LRP1B: variants seen among roughly 807,000 people sequenced by gnomAD.
LRP1B encodes LDL receptor related protein 1B.
LRP1B carries 217 observed loss-of-function variants against 556.6 expected under a neutral mutation model. That is an observed-to-expected ratio of 0.39 (90% CI 0.35 to 0.44). The LOEUF is 0.44. Among genes scored for constraint, LRP1B ranks in the 20% least tolerant of loss-of-function variants. The pLI, the probability that LRP1B is intolerant of heterozygous loss-of-function variation, is 1.00. For synonymous variants in LRP1B, 2,047 were observed against 1,865.8 expected (o/e 1.10, Z -2.50); for missense variants, 5,053 against 5,620.8 (o/e 0.90, Z 3.23).
intron 1 of LRP1B, among the ~76,000 whole-genome samples, chr2:141,969,035 G>A (rs930804713): frequency 6.6e-6 from 1 of 150,556 alleles, no homozygotes; most frequent in Non-Finnish European, 1.5e-5. Context: ...TCTAAAGTTT[G>A]CCTATATTAT....
chr2:142,038,901 A>T (rs1703973496), intron 1 of LRP1B, among the ~76,000 whole-genome samples: 1 of 151,620 alleles, frequency 6.6e-6, no homozygotes, highest in African/African-American at 2.4e-5. Context: ...TTGCTAAAAC[A>T]TTAAATGAAA....
At chr2:141,666,700 T>A (rs546223567) in intron 2 of LRP1B, among the ~76,000 whole-genome samples, 108 of 152,288 alleles carry the variant, frequency 7.1e-4, no homozygotes, top group Non-Finnish European at 1.0e-3. Flanking sequence ...CTGAAACCAG[T>A]GGAGAGAGCT....
At chr2:140,387,655 T>G (rs1683819958) in intron 66 of LRP1B, among the ~76,000 whole-genome samples, 1 of 152,066 alleles carries the variant, frequency 6.6e-6, no homozygotes, top group African/African-American at 2.4e-5. Context: ...GAATGTCAGG[T>G]GCAATGTTTT....
At chr2:140,445,383 G>A (rs555347121) in intron 63 of LRP1B, among the ~76,000 whole-genome samples, 1 of 152,126 alleles carries the variant, frequency 6.6e-6, no homozygotes, top group South Asian at 2.1e-4. Flanking sequence ...ACCAAGTTTT[G>A]GGATTACAGG....
intron 2 of LRP1B, among the ~76,000 whole-genome samples, chr2:141,677,042 C>T (rs945368129): frequency 2.0e-5 from 3 of 151,988 alleles, no homozygotes; most frequent in African/African-American, 7.3e-5. Context: ...ATTGTGATAA[C>T]TCTTATGAAG....
chr2:141,203,225 A>G (rs2105230864), intron 6 of LRP1B, among the ~76,000 whole-genome samples: 1 of 152,318 alleles, frequency 6.6e-6, no homozygotes, highest in African/African-American at 2.4e-5. Context: ...ATATGCCCCA[A>G]TTAAAAGACA....
chr2:140,300,257 A>G (rs1221280527), intron 83 of LRP1B, among the ~76,000 whole-genome samples: 5 of 152,136 alleles, frequency 3.3e-5, no homozygotes, highest in Non-Finnish European at 7.4e-5. Flanking sequence ...TCAGGGGAAT[A>G]TTACCTAACA....
chr2:140,911,138 T>C (rs778100021), intron 21 of LRP1B, among the ~76,000 whole-genome samples: 14 of 151,852 alleles, frequency 9.2e-5, no homozygotes, highest in Admixed American at 1.3e-4. Context: ...TTTTCAAGCT[T>C]AATTAATTTA....
chr2:140,510,811 G>C (rs1020597813), intron 51 of LRP1B, among the ~76,000 whole-genome samples: 1 of 151,984 alleles, frequency 6.6e-6, no homozygotes, highest in African/African-American at 2.4e-5. Flanking sequence ...TTGTTGACTT[G>C]GACTTTTAAG....
chr2:140,599,963 G>A (rs1682589640), intron 42 of LRP1B, among the ~76,000 whole-genome samples: 1 of 151,978 alleles, frequency 6.6e-6, no homozygotes, highest in African/African-American at 2.4e-5. Flanking sequence ...TGGTTTGAAG[G>A]TGTCATTTAC....
At chr2:140,556,456 CCAT>C (rs1485872578) in intron 43 of LRP1B, among the ~76,000 whole-genome samples, 2 of 152,042 alleles carry the variant, frequency 1.3e-5, no homozygotes, top group Non-Finnish European at 2.9e-5. Flanking sequence ...CACGGTCCTC[CCAT>C]CATATTACCC....
intron 82 of LRP1B, among the ~76,000 whole-genome samples, chr2:140,321,538 AAATT>A (rs939939570): frequency 1.1e-4 from 16 of 152,214 alleles, no homozygotes; most frequent in East Asian, 5.8e-4. Flanking sequence ...TTTGGTTTCT[AAATT>A]AATTCTCAAT....
At chr2:142,097,313 C>G (rs1706411272) in intron 1 of LRP1B, among the ~76,000 whole-genome samples, 1 of 151,528 alleles carries the variant, frequency 6.6e-6, no homozygotes, top group Non-Finnish European at 1.5e-5. Flanking sequence ...GTCCATGATT[C>G]TTTAGTCAAA....
intron 83 of LRP1B, among the ~76,000 whole-genome samples, chr2:140,314,105 A>G (rs634627): frequency 0.032 from 4,852 of 152,052 alleles, 266 homozygotes; most frequent in African/African-American, 0.11. Context: ...TCCCACTAAG[A>G]TAGAAATTAA....
intron 3 of LRP1B, among the ~76,000 whole-genome samples, chr2:141,422,528 TATA>T (rs1194604962): frequency 6.6e-6 from 1 of 152,178 alleles, no homozygotes; most frequent in East Asian, 1.9e-4. Context: ...AACAAATAGT[TATA>T]AGAAGACTGA....
At position 141,521,104 on chromosome 2, in the gene LRP1B, T is replaced by A. The variant is rs371470018; in HGVS notation, c.206-40571A>T. ...AAATACATATATCAGTGAAAAAAAA[T>A]AAGCATCATTTCTGTGCTGAAAACA... On this transcript the variant is annotated intron_variant, in intron 2 of 90. Coordinates refer to ENST00000389484, the MANE Select transcript of LRP1B (RefSeq NM_018557.3). Among the ~76,000 whole-genome samples, 84 of 152,130 alleles carry A rather than the reference T, an allele frequency of 5.5e-4. No individual in the cohort carries two copies. The East Asian group carries it at 8.5e-3, about 15-fold the overall frequency.
chr2:141,260,930 C>T (rs1446648055), intron 3 of LRP1B, among the ~76,000 whole-genome samples: 1 of 151,970 alleles, frequency 6.6e-6, no homozygotes, highest in Non-Finnish European at 1.5e-5. Context: ...TGCAAAAATG[C>T]CTTTTATCCA....
In LRP1B at chr2:141,584,419, C is replaced by G. The variant is rs1322787467; in HGVS notation, c.206-103886G>C. Among the ~76,000 whole-genome samples the G allele has an allele frequency of 6.6e-5, 10 of 152,006 alleles. No individual in the cohort carries two copies. The East Asian group carries it at 1.9e-3, about 29-fold the overall frequency. Reference sequence around the variant, plus strand: ...TAAGAGATCCAATTGTGGCAAAGGACCAACGATGTTAAGAATCGACCATAC... The same window carrying G: ...TAAGAGATCCAATTGTGGCAAAGGAGCAACGATGTTAAGAATCGACCATAC... On this transcript the variant is annotated intron_variant, in intron 2 of 90. Coordinates refer to ENST00000389484, the MANE Select transcript of LRP1B (RefSeq NM_018557.3).
intron 50 of LRP1B, 25 bp from the exon 51 acceptor site, chr2:140,514,797 A>C: frequency 6.3e-7 from 1 of 1,599,200 alleles, no homozygotes; most frequent in Non-Finnish European, 8.5e-7. Context: ...AAAGGAAAAA[A>C]AAAAATAGTT....
Sources: allele counts gnomAD v4.1 joint callset (sites outside exome capture counted in the v4.1 genomes callset), GRCh38; gene constraint gnomAD v4.1.1; transcripts MANE v1.5; gene names NCBI Gene and HGNC (gene_info 2026-07-23, HGNC 2026-07-21).